The following AKAP13 variants were observed in gnomAD, a reference collection of about 807,000 sequenced individuals.
AKAP13 encodes the protein A-kinase anchoring protein 13.
Under a neutral mutation model 264.5 loss-of-function variants are expected in AKAP13, and 80 were observed. The ratio of observed to expected loss-of-function variants is 0.30; its 90% CI spans 0.25 to 0.36. The LOEUF (loss-of-function observed/expected upper bound fraction) is 0.36. Ranked by LOEUF, AKAP13 falls within the 10% of genes least tolerant of loss-of-function variation. The probability of loss-of-function intolerance (pLI) is 1.00; values close to 1 mark genes in which losing one functional copy is unlikely to be tolerated. For missense variants in AKAP13, 3,712 were observed against 3,435.2 expected (o/e 1.08, Z -2.01); for synonymous variants, 1,380 against 1,250.2 (o/e 1.10, Z -2.19).
At chr15:85,663,898 T>C (rs149590202) in intron 12 of AKAP13, among the ~76,000 whole-genome samples, 41 of 152,350 alleles carry the variant, frequency 2.7e-4, no homozygotes, top group African/African-American at 8.7e-4. Context: ...TACAACTCTT[T>C]CTACTCTTAG....
chr15:85,659,673 C>G (rs762858873), intron 12 of AKAP13, among the ~76,000 whole-genome samples: 9 of 152,168 alleles, frequency 5.9e-5, no homozygotes, highest in Non-Finnish European at 8.8e-5. Context: ...AAAACATGCA[C>G]TTGATGACAA....
intron 1 of AKAP13, among the ~76,000 whole-genome samples, chr15:85,447,530 C>A (rs1041369358): frequency 6.6e-6 from 1 of 152,060 alleles, no homozygotes; most frequent in Non-Finnish European, 1.5e-5. Flanking sequence ...CCTCCCCCAC[C>A]CCCAAATAGA....
rs188320169 is a variant in AKAP13 at position 85,625,706 on chromosome 15, G to T, written c.4162-13668G>T. The stretch of plus-strand genomic sequence containing the variant: ...GCAAGACCCCCATCGCTTAAAAAAC[G>T]AAGTTTCAGATGTCTTTCCATGTAT... On this transcript the variant is annotated intron_variant, in intron 8 of 36. Coordinates refer to ENST00000394518, the MANE Select transcript of AKAP13 (RefSeq NM_007200.5). Among the ~76,000 whole-genome samples, 4 of 152,280 alleles carry T rather than the reference G, an allele frequency of 2.6e-5. No homozygotes were observed. In the East Asian group the frequency reaches 7.7e-4, roughly 29 times the overall value.
At chr15:85,403,792 G>A (rs1281352145) in intron 1 of AKAP13, among the ~76,000 whole-genome samples, 2 of 150,234 alleles carry the variant, frequency 1.3e-5, no homozygotes, top group Non-Finnish European at 3.0e-5. Context: ...GATTCTCAGT[G>A]AGCCTAGACC....
intron 1 of AKAP13, among the ~76,000 whole-genome samples, chr15:85,435,758 G>A (rs1254442374): frequency 1.4e-5 from 2 of 143,476 alleles, no homozygotes; most frequent in East Asian, 2.0e-4. Flanking sequence ...TCACAGACAA[G>A]CAAATGCTGA....
intron 1 of AKAP13, among the ~76,000 whole-genome samples, chr15:85,421,935 A>C (rs1397544921): frequency 2.0e-5 from 3 of 152,196 alleles, no homozygotes; most frequent in Non-Finnish European, 2.9e-5. Context: ...TCTATACTCT[A>C]TCTCTCATAT....
rs386383664 is a variant in AKAP13, at chr15:85,673,666, C to CTTTTTTTTTTTTTT, written c.5101+3849_5101+3862dup. 5.2e-4 allele frequency among the ~76,000 whole-genome samples: 40 copies of CTTTTTTTTTTTTTT among 77,558 alleles called. 4 individuals are homozygous for CTTTTTTTTTTTTTT. Among genetic ancestry groups the CTTTTTTTTTTTTTT allele is most frequent in the African/African-American group, 2.1e-3 (38 of 17,844 alleles). 50.9% of individuals were successfully genotyped at this position (77,558 alleles called of 152,430 possible). On this transcript the variant is annotated intron_variant, in intron 14 of 36. Coordinates refer to ENST00000394518, the MANE Select transcript of AKAP13 (RefSeq NM_007200.5). ...TTACAGATGATCCCTTTCTTTCTTT[C>CTTTTTTTTTTTTTT]TTTTTTTTTTTTTTTTTTTTTTTTT...
At chr15:85,612,103 A>G (rs140982789) in intron 8 of AKAP13, among the ~76,000 whole-genome samples, 283 of 152,340 alleles carry the variant, frequency 1.9e-3, no homozygotes, top group African/African-American at 6.6e-3. Flanking sequence ...GGGCAGTGAC[A>G]TGGAGTTGTA....
chr15:85,712,807 G>A (rs2086703756), intron 19 of AKAP13, among the ~76,000 whole-genome samples: 1 of 152,194 alleles, frequency 6.6e-6, no homozygotes, highest in Non-Finnish European at 1.5e-5. Context: ...GCCTCCCAAA[G>A]TGCTGGGATT....
At chr15:85,383,893 G>A (rs1298245702) in intron 1 of AKAP13, among the ~76,000 whole-genome samples, 1 of 152,210 alleles carries the variant, frequency 6.6e-6, no homozygotes, top group African/African-American at 2.4e-5. Context: ...GGTGTTAACA[G>A]TGTTAGTTCA....
chr15:85,556,402 T>C (rs1198487429), intron 5 of AKAP13, among the ~76,000 whole-genome samples: 1 of 152,222 alleles, frequency 6.6e-6, no homozygotes, highest in Non-Finnish European at 1.5e-5. Context: ...ATAGGAATTT[T>C]CCAGCTGCAT....
chr15:85,655,482 A>G lies in AKAP13; in HGVS notation c.4440A>G (p.Ser1480=), dbSNP rs890662839. ...GTTCATCCACCGATGACACGGCTTC[A>G]CTGGACCGACATTCTTCTCATGGCA... is the stretch of plus-strand genomic sequence containing the variant. The part of the protein sequence containing the change: ...GSSSSTDDTA[S]LDRHSSHGSD... Residue 1480 remains serine (S), a synonymous_variant, in exon 11 of 37, where the codon TCA becomes TCG. Transcript: ENST00000394518. 3 of 1,614,196 alleles carry G rather than the reference A, an allele frequency of 1.9e-6. No homozygotes were observed. Among genetic ancestry groups the G allele is most frequent in the Non-Finnish European group, 8.5e-7 (1 of 1,180,022 alleles).
At chr15:85,601,571 G>A (rs2080072389) in intron 8 of AKAP13, among the ~76,000 whole-genome samples, 1 of 145,820 alleles carries the variant, frequency 6.9e-6, no homozygotes, top group African/African-American at 2.6e-5. Flanking sequence ...TGCCAATTTA[G>A]GGAACTCATA....
In AKAP13 at chr15:85,741,314, T is replaced by G. The variant is rs1597242672; in HGVS notation, c.7877T>G (p.Val2626Gly). 6.2e-7 allele frequency: 1 copy of G among 1,612,042 alleles called. No homozygotes were observed. The part of the protein sequence containing the change: ...EALLAQREEE[V>G]QQGQQDLEKE... ...CTCCTGGCCCAGCGCGAGGAGGAGG[T>G]GCAGCAGGGGCAGCAGGACCTGGAA... The change falls in exon 35 of 37, where the codon GTG becomes GGG. Residue 2626 changes from valine (V) to glycine (G), a missense_variant. Coordinates refer to ENST00000394518, the MANE Select transcript of AKAP13 (RefSeq NM_007200.5).
intron 1 of AKAP13, among the ~76,000 whole-genome samples, chr15:85,386,053 A>G (rs564101402): frequency 6.6e-6 from 1 of 151,988 alleles, no homozygotes; most frequent in African/African-American, 2.4e-5. Context: ...TTGAACTCCT[A>G]ACCTCAAGTG....
At chr15:85,538,116 A>AG (rs2077461847) in intron 4 of AKAP13, among the ~76,000 whole-genome samples, 1 of 152,022 alleles carries the variant, frequency 6.6e-6, no homozygotes, top group Non-Finnish European at 1.5e-5. Context: ...ATGGTAAGCT[A>AG]GGGGGGTGTT....
At chr15:85,703,853 A>AAATAT (rs1555461458) in intron 17 of AKAP13, among the ~76,000 whole-genome samples, 1,806 of 142,466 alleles carry the variant, frequency 0.013, 20 homozygotes, top group Non-Finnish European at 0.022. Context: ...AAAAAAAAAA[A>AAATAT]ATATATATAT....
chr15:85,744,692 G>A lies in AKAP13; in HGVS notation c.*15G>A. 1 of 1,589,516 alleles carries A rather than the reference G, an allele frequency of 6.3e-7. No individual in the cohort carries two copies. The highest frequency in any genetic ancestry group is 1.1e-5 in the South Asian group (1 of 87,088). On this transcript the variant is annotated 3_prime_UTR_variant, in exon 37 of 37. Coordinates refer to ENST00000394518, the MANE Select transcript of AKAP13 (RefSeq NM_007200.5). ...TCTTCTGCTGACCCTCTTCCTCTCT[G>A]CTGAGGCAGCTGCCTCCTGATCCTG...
At position 85,382,057 on chromosome 15, in the gene AKAP13, G is replaced by A. The variant is rs527434960; in HGVS notation, c.-12+1259G>A. ...ATTAAGTACAAGTTTTGTCAAGTTT[G>A]GGTGCACATATTACACTTAATTTGG... is the stretch of plus-strand genomic sequence containing the variant. On this transcript the variant is annotated intron_variant, in intron 1 of 36. Transcript: ENST00000394518. 4 of 152,234 alleles carry A rather than the reference G, an allele frequency of 2.6e-5. No homozygotes were observed. The East Asian group carries it at 7.7e-4, about 29-fold the overall frequency. The allele number at this position is 152,234 out of a possible 1,614,324, so 9.4% of individuals were successfully genotyped here.
Sources: allele counts gnomAD v4.1 joint callset (sites outside exome capture counted in the v4.1 genomes callset), GRCh38; gene constraint gnomAD v4.1.1; transcripts MANE v1.5; gene names NCBI Gene and HGNC (gene_info 2026-07-23, HGNC 2026-07-21).